Variants in PRKN observed in about 807,000 individuals in gnomAD.
PRKN encodes the protein parkin RBR E3 ubiquitin protein ligase, also known as E3 ubiquitin-protein ligase parkin.
A neutral mutation model predicts 59.5 loss-of-function variants in PRKN; 56 were observed. That is an observed-to-expected ratio of 0.94 (90% CI 0.76 to 1.18). The LOEUF (loss-of-function observed/expected upper bound fraction) is 1.18, where lower values mean the gene tolerates loss of function less well. PRKN is among the 50% of genes most tolerant of loss of function. PRKN has a pLI of 0.00. For synonymous variants in PRKN, 250 were observed against 222.1 expected (o/e 1.13, Z -1.12); for missense variants, 657 against 596.4 (o/e 1.10, Z -1.06).
intron 4 of PRKN, among the ~76,000 whole-genome samples, chr6:162,114,010 A>G (rs1583052253): frequency 6.6e-6 from 1 of 151,718 alleles, no homozygotes; most frequent in East Asian, 1.9e-4. Context: ...GGTTTGTCAA[A>G]GATCAGATAG....
chr6:162,724,384 C>G (rs1363647137), intron 1 of PRKN, among the ~76,000 whole-genome samples: 3 of 152,166 alleles, frequency 2.0e-5, no homozygotes, highest in Non-Finnish European at 4.4e-5. Context: ...ACTTTTGAAA[C>G]AGTCCTCATG....
intron 3 of PRKN, among the ~76,000 whole-genome samples, chr6:162,213,677 G>C (rs1777502002): frequency 6.6e-6 from 1 of 152,058 alleles, no homozygotes; most frequent in Admixed American, 6.6e-5. Flanking sequence ...CAAGGCTGCA[G>C]TGAGCTAACA....
At chr6:161,524,513 T>C (rs975464965) in intron 9 of PRKN, among the ~76,000 whole-genome samples, 1 of 151,888 alleles carries the variant, frequency 6.6e-6, no homozygotes, top group African/African-American at 2.4e-5. Context: ...GCTCAGCTAA[T>C]TTTTTTTAGT....
Position 162,342,323 on chromosome 6 carries a change from G to A in PRKN, c.172-79558C>T, listed in dbSNP as rs562490646. The stretch of plus-strand genomic sequence containing the variant: ...GTTTTTCCACGAGTAAGTGAGAAGT[G>A]CAGATAATACTTTCAAAACAAAACA... On this transcript the variant is annotated intron_variant, in intron 2 of 11. Transcript: ENST00000366898. Among the ~76,000 whole-genome samples the A allele has an allele frequency of 1.5e-3, 223 of 152,274 alleles. 3 individuals are homozygous for A. The South Asian group carries it at 0.026, about 17-fold the overall frequency.
chr6:162,069,092 C>G (rs530255017), intron 4 of PRKN, among the ~76,000 whole-genome samples: 1 of 152,206 alleles, frequency 6.6e-6, no homozygotes, highest in East Asian at 1.9e-4. Context: ...TATGGTTTGG[C>G]TGTGTCCCCA....
At chr6:162,004,852 A>G (rs1221523307) in intron 5 of PRKN, among the ~76,000 whole-genome samples, 2 of 152,344 alleles carry the variant, frequency 1.3e-5, no homozygotes, top group Non-Finnish European at 2.9e-5. Context: ...GAAAATTTCA[A>G]GGAAATAGTG....
At chr6:161,644,259 A>T (rs1783845060) in intron 7 of PRKN, among the ~76,000 whole-genome samples, 2 of 152,136 alleles carry the variant, frequency 1.3e-5, no homozygotes, top group South Asian at 4.2e-4. Flanking sequence ...AAAGTTAGGG[A>T]TTCACTCAGG....
intron 4 of PRKN, among the ~76,000 whole-genome samples, chr6:162,171,463 C>A (rs12194653): frequency 1.3e-5 from 2 of 152,028 alleles, no homozygotes; most frequent in African/African-American, 2.4e-5. Context: ...GTTTCTTCAC[C>A]GCTCCGTTTC....
At chr6:161,621,459 G>A (rs1309729777) in intron 7 of PRKN, among the ~76,000 whole-genome samples, 2 of 152,188 alleles carry the variant, frequency 1.3e-5, no homozygotes, top group East Asian at 3.9e-4. Flanking sequence ...GATGTCCAAG[G>A]GCAGGAGGAG....
rs577408879 is a variant in PRKN, at chr6:161,902,563, TA to T, written c.734+70738del. Among the ~76,000 whole-genome samples, 425 of 135,228 alleles carry T rather than the reference TA, an allele frequency of 3.1e-3. 3 individuals carry two copies. The highest frequency in any genetic ancestry group is 4.7e-3 in the South Asian group (19 of 4,064). The allele number at this position is 135,228 out of a possible 152,430, so 88.7% of individuals were successfully genotyped here. A position where few individuals can be genotyped will look rare whatever the true frequency, so the allele number is the denominator to read the frequency against. On this transcript the variant is annotated intron_variant, in intron 6 of 11. Transcript: ENST00000366898. ...CTATCTATCTATTTATTTATTTATT[TA>T]TTTTTTTTTTTTTGCGACAGAGTCT...
At chr6:162,386,228 C>G (rs1160534206) in intron 2 of PRKN, among the ~76,000 whole-genome samples, 1 of 152,120 alleles carries the variant, frequency 6.6e-6, no homozygotes, top group African/African-American at 2.4e-5. Context: ...AAAATGCTAA[C>G]TAAGTGAGGT....
intron 7 of PRKN, among the ~76,000 whole-genome samples, chr6:161,580,789 T>A (rs1781310210): frequency 6.6e-6 from 1 of 152,018 alleles, no homozygotes; most frequent in Non-Finnish European, 1.5e-5. Context: ...AAAAATTTGT[T>A]TTAAGCAAGC....
At position 161,483,494 on chromosome 6, in the gene PRKN, A is replaced by G. The variant is rs1410732281; in HGVS notation, c.1083+65360T>C. 6.6e-6 allele frequency among the ~76,000 whole-genome samples: 1 copy of G among 152,216 alleles called. No individual in the cohort carries two copies. Among genetic ancestry groups the G allele is most frequent in the Non-Finnish European group, 1.5e-5 (1 of 68,036 alleles). On this transcript the variant is annotated intron_variant, in intron 9 of 11. Coordinates refer to ENST00000366898, the MANE Select transcript of PRKN (RefSeq NM_004562.3). The surrounding 1 kb of genome is among the most constrained non-coding windows in gnomAD (Gnocchi z 5.0). ...AAGGTCAGGAAAGGGGTCATAGCTC[A>G]TAGAATATGGACTTGCATTAATTCC...
Position 161,551,588 on chromosome 6 carries a change from G to A in PRKN, c.934-2585C>T, listed in dbSNP as rs544139506. ...TGTGGTTGGAGCTGGGTGTGTGGCT[G>A]CCATTGCGGTCTTGAAAAGTCATTT... is the stretch of plus-strand genomic sequence containing the variant. On this transcript the variant is annotated intron_variant, in intron 8 of 11. Transcript: ENST00000366898. This position sits in a 1 kb window ranked among gnomAD's most constrained non-coding sequence, Gnocchi z 5.2. Among the ~76,000 whole-genome samples the A allele has an allele frequency of 2.0e-5, 3 of 152,276 alleles. No individual in the cohort carries two copies. The highest frequency in any genetic ancestry group is 3.9e-4 in the East Asian group (2 of 5,176).
Position 161,586,922 on chromosome 6 carries a change from C to A in PRKN, c.872-17506G>T, listed in dbSNP as rs548219715. On this transcript the variant is annotated intron_variant, in intron 7 of 11. Coordinates refer to ENST00000366898, the MANE Select transcript of PRKN (RefSeq NM_004562.3). The stretch of plus-strand genomic sequence containing the variant: ...GTGGCTAGTATGGTCTAGACACTAG[C>A]AAGCTACATATAATGAGACTGCTCT... Among the ~76,000 whole-genome samples the A allele has an allele frequency of 8.5e-4, 130 of 152,250 alleles. 2 individuals are homozygous for A. The highest frequency in any genetic ancestry group is 2.6e-3 in the African/African-American group (107 of 41,548).
intron 7 of PRKN, among the ~76,000 whole-genome samples, chr6:161,690,413 C>T (rs1785736580): frequency 6.6e-6 from 1 of 152,198 alleles, no homozygotes; most frequent in African/African-American, 2.4e-5. Flanking sequence ...TCCCAGAGTC[C>T]TTACAAGAGG....
chr6:162,121,869 T>C (rs1780929209), intron 4 of PRKN, among the ~76,000 whole-genome samples: 1 of 152,174 alleles, frequency 6.6e-6, no homozygotes, highest in African/African-American at 2.4e-5. Flanking sequence ...CAGTACAATA[T>C]ACTGTCACTA....
At position 161,413,832 on chromosome 6, in the gene PRKN, C is replaced by T. The variant is rs909765496; in HGVS notation, c.1084-26955G>A. ...CAATTTTTAATTAAAAGGGAAACTTCCTGAGAGGACAGGGAGCATTTACAG... is the reference window on the plus strand; with the variant it reads ...CAATTTTTAATTAAAAGGGAAACTTTCTGAGAGGACAGGGAGCATTTACAG... On this transcript the variant is annotated intron_variant, in intron 9 of 11. Transcript: ENST00000366898. This position sits in a 1 kb window ranked among gnomAD's most constrained non-coding sequence, Gnocchi z 4.4. Among the ~76,000 whole-genome samples the T allele has an allele frequency of 6.6e-6, 1 of 152,168 alleles. No homozygotes were observed. Among genetic ancestry groups the T allele is most frequent in the Admixed American group, 6.5e-5 (1 of 15,284 alleles).
At chr6:161,901,335 A>G (rs780160340) in intron 6 of PRKN, among the ~76,000 whole-genome samples, 2 of 152,288 alleles carry the variant, frequency 1.3e-5, no homozygotes, top group Non-Finnish European at 2.9e-5. Flanking sequence ...GCATGTCTCC[A>G]GTATGTAGTT....
Sources: gnomAD v4.1 joint callset for allele counts (sites outside exome capture counted in the v4.1 genomes callset) on GRCh38, gnomAD v4.1.1 for gene constraint, Gnocchi (gnomAD v3.1) non-coding constraint, MANE v1.5 for transcripts, NCBI Gene and HGNC (gene_info 2026-07-23, HGNC 2026-07-21) for gene names.